Variants in MAPKAP1 observed in about 807,000 individuals in gnomAD.
MAPKAP1 encodes target of rapamycin complex 2 subunit MAPKAP1.
MAPKAP1 carries 20 observed loss-of-function variants against 65.7 expected under a neutral mutation model. That is an observed-to-expected ratio of 0.30 (90% confidence interval 0.21 to 0.44). The LOEUF (loss-of-function observed/expected upper bound fraction) is 0.44, where lower values mean the gene tolerates loss of function less well. Ranked by LOEUF, MAPKAP1 falls within the 20% of genes least tolerant of loss-of-function variation. The pLI is 1.00. For synonymous variants in MAPKAP1, 222 were observed against 244.3 expected (o/e 0.91, Z 0.85); for missense variants, 423 against 648.0 (o/e 0.65, Z 3.77).
At chr9:125,672,210 T>C (rs1054096553) in intron 2 of MAPKAP1, 106 bp downstream of exon 2, 1 of 1,265,884 alleles carries the variant, frequency 7.9e-7, no homozygotes, top group African/African-American at 1.5e-5. Context: ...TTCCTATTAA[T>C]ACCCGGAAAC....
intron 1 of MAPKAP1, among the ~76,000 whole-genome samples, chr9:125,695,540 A>G (rs1011533179): frequency 2.0e-5 from 3 of 152,240 alleles, no homozygotes; most frequent in South Asian, 2.1e-4. Context: ...AGTTTACAAA[A>G]GAAACATCTT....
At position 125,492,204 on chromosome 9, in the gene MAPKAP1, T is replaced by C. The variant is rs541142591; in HGVS notation, c.1067-7621A>G. 3.3e-5 allele frequency among the ~76,000 whole-genome samples: 5 copies of C among 152,204 alleles called. No individual in the cohort carries two copies. In the South Asian group the frequency reaches 1.0e-3, roughly 32 times the overall value. On this transcript the variant is annotated intron_variant, in intron 8 of 11. Transcript: ENST00000265960. ...CGAGACCTGGCGACAGGGCAATACCTCGCCTCAAAATAACAAAACAAAACA... is the reference window on the plus strand; with the variant it reads ...CGAGACCTGGCGACAGGGCAATACCCCGCCTCAAAATAACAAAACAAAACA...
At chr9:125,594,574 A>G (rs1452572455) in intron 4 of MAPKAP1, among the ~76,000 whole-genome samples, 1 of 152,206 alleles carries the variant, frequency 6.6e-6, no homozygotes, top group Non-Finnish European at 1.5e-5. Context: ...TCTGTCCTTC[A>G]ATTCAAATAT....
At chr9:125,673,474 C>T (rs1404841536) in intron 1 of MAPKAP1, among the ~76,000 whole-genome samples, 2 of 152,220 alleles carry the variant, frequency 1.3e-5, no homozygotes, top group African/African-American at 4.8e-5. Flanking sequence ...GATCCGCCCG[C>T]CTTGGCCTCC....
intron 4 of MAPKAP1, among the ~76,000 whole-genome samples, chr9:125,611,480 A>G (rs1832598753): frequency 6.6e-6 from 1 of 152,246 alleles, no homozygotes; most frequent in South Asian, 2.1e-4. Flanking sequence ...GTTTCAGAAG[A>G]AGAGAAAAGA....
At chr9:125,506,267 T>A (rs752552470) in intron 8 of MAPKAP1, 43 bp downstream of exon 8, 9 of 1,536,184 alleles carry the variant, frequency 5.9e-6, no homozygotes, top group Non-Finnish European at 8.1e-6. Context: ...CTAAGCAAGT[T>A]TGCAACGGAC....
chr9:125,514,038 C>T (rs761274671), intron 7 of MAPKAP1, among the ~76,000 whole-genome samples: 2 of 152,146 alleles, frequency 1.3e-5, no homozygotes, highest in East Asian at 1.9e-4. Context: ...TCAAAGGACA[C>T]GTGACGCTGG....
At chr9:125,604,684 A>T (rs1832393778) in intron 4 of MAPKAP1, among the ~76,000 whole-genome samples, 1 of 152,256 alleles carries the variant, frequency 6.6e-6, no homozygotes, top group Non-Finnish European at 1.5e-5. Flanking sequence ...AACAGCACAG[A>T]TGTACCAAAT....
intron 1 of MAPKAP1, among the ~76,000 whole-genome samples, chr9:125,695,889 C>T (rs145212537): frequency 7.6e-4 from 116 of 152,076 alleles, no homozygotes; most frequent in African/African-American, 2.7e-3. Flanking sequence ...CCATCACACC[C>T]GGCTAATTTT....
intron 1 of MAPKAP1, among the ~76,000 whole-genome samples, chr9:125,675,864 T>C (rs544845396): frequency 6.6e-6 from 1 of 152,228 alleles, no homozygotes; most frequent in Admixed American, 6.5e-5. Context: ...ATTGTCTTTT[T>C]TTCGTAATAC....
At chr9:125,662,713 C>A (rs940786464) in intron 3 of MAPKAP1, among the ~76,000 whole-genome samples, 13 of 151,894 alleles carry the variant, frequency 8.6e-5, no homozygotes, top group African/African-American at 2.7e-4. Context: ...TAAAATTTTT[C>A]TTTATAAAGA....
chr9:125,521,812 T>G (rs1223190338), intron 7 of MAPKAP1: 3 of 1,578,574 alleles, frequency 1.9e-6, no homozygotes, highest in Non-Finnish European at 2.6e-6. Flanking sequence ...TCATTTATCT[T>G]CAACCTTCTC....
intron 5 of MAPKAP1, among the ~76,000 whole-genome samples, chr9:125,564,575 T>C (rs1453797655): frequency 1.3e-5 from 2 of 152,168 alleles, no homozygotes; most frequent in Non-Finnish European, 2.9e-5. Flanking sequence ...ACCCTGAGCA[T>C]TGTCAGCCTC....
intron 4 of MAPKAP1, among the ~76,000 whole-genome samples, chr9:125,598,928 T>C (rs1028253149): frequency 2.0e-5 from 3 of 150,882 alleles, no homozygotes; most frequent in Non-Finnish European, 4.4e-5. Context: ...TACTCCCAGA[T>C]ACTCGAGAGG....
chr9:125,698,287 AAATATATATATATATATATATATAT>A lies in MAPKAP1; in HGVS notation c.-70+8659_-70+8683del, dbSNP rs1835460427. 5.5e-4 allele frequency among the ~76,000 whole-genome samples: 15 copies of A among 27,112 alleles called. 2 individuals carry two copies. The highest frequency in any genetic ancestry group is 4.5e-3 in the Admixed American group (8 of 1,780). The allele number at this position is 27,112 out of a possible 152,430, so 17.8% of individuals were successfully genotyped here. A position where few individuals can be genotyped will look rare whatever the true frequency, so the allele number is the denominator to read the frequency against. ...AATATATATAATACATAATATATAT[AAATATATATATATATATATATATAT>A]ATATATATATATATATATATATATA... is the stretch of plus-strand genomic sequence containing the variant. On this transcript the variant is annotated intron_variant, in intron 1 of 11. Transcript: ENST00000265960.
intron 1 of MAPKAP1, among the ~76,000 whole-genome samples, chr9:125,674,091 G>T (rs996537933): frequency 3.6e-4 from 55 of 151,998 alleles, no homozygotes; most frequent in African/African-American, 1.3e-3. Flanking sequence ...AGACAGAAAG[G>T]GTTCAAACCC....
intron 9 of MAPKAP1, among the ~76,000 whole-genome samples, chr9:125,477,254 C>G (rs147579650): frequency 3.6e-4 from 55 of 152,132 alleles, no homozygotes; most frequent in African/African-American, 1.3e-3. Context: ...GTAACAGATC[C>G]CTTCGGTGAC....
At chr9:125,576,066 A>C (rs1831385742) in intron 5 of MAPKAP1, among the ~76,000 whole-genome samples, 1 of 152,248 alleles carries the variant, frequency 6.6e-6, no homozygotes, top group Non-Finnish European at 1.5e-5. Context: ...TGCTAAGTGA[A>C]AAAAGCTAGT....
At chr9:125,698,777 A>G (rs1835509546) in intron 1 of MAPKAP1, among the ~76,000 whole-genome samples, 1 of 152,198 alleles carries the variant, frequency 6.6e-6, no homozygotes, top group African/African-American at 2.4e-5. Flanking sequence ...AAGATAATAT[A>G]AACACTTGGA....
Sources: allele counts gnomAD v4.1 joint callset (sites outside exome capture counted in the v4.1 genomes callset), GRCh38; gene constraint gnomAD v4.1.1; transcripts MANE v1.5; gene names NCBI Gene and HGNC (gene_info 2026-07-23, HGNC 2026-07-21).